Variants in CD99 observed in about 807,000 individuals in gnomAD.
The protein encoded by CD99 is CD99 molecule (Xg blood group).
Under a neutral mutation model 28.4 loss-of-function variants are expected in CD99, and 19 were observed. That is an observed-to-expected ratio of 0.67 (90% CI 0.47 to 0.98). The LOEUF (loss-of-function observed/expected upper bound fraction) is 0.98. CD99 is among the 50% of genes least tolerant of loss of function. The pLI is 0.00. For missense variants in CD99, 283 were observed against 248.8 expected, an observed-to-expected ratio of 1.14 and a Z score of -0.92; for synonymous variants, 103 against 92.1, an observed-to-expected ratio of 1.12 and a Z score of -0.67.
chrX:2,714,907 C>G (rs1350941435), intron 2 of CD99: 1 of 156,074 alleles, frequency 6.4e-6, no homozygotes, highest in African/African-American at 2.4e-5. Flanking sequence ...CGAGGAAAAG[C>G]AAGATGCCCT....
At chrX:2,721,153 T>C (rs1321525423) in intron 5 of CD99, among the ~76,000 whole-genome samples, 1 of 152,102 alleles carries the variant, frequency 6.6e-6, no homozygotes, top group Non-Finnish European at 1.5e-5. Context: ...TTTTTTTAGC[T>C]GAATGGTTGT....
intron 1 of CD99, among the ~76,000 whole-genome samples, chrX:2,698,892 C>T (rs972132164): frequency 1.3e-5 from 2 of 151,780 alleles, no homozygotes; most frequent in Non-Finnish European, 2.9e-5. Flanking sequence ...CCAGGGTTAC[C>T]TGGGTAGTCT....
At chrX:2,698,752 C>G (rs1351438776) in intron 1 of CD99, among the ~76,000 whole-genome samples, 1 of 152,174 alleles carries the variant, frequency 6.6e-6, no homozygotes, top group Non-Finnish European at 1.5e-5. Flanking sequence ...ATCCCTCCTG[C>G]ATTCCTGATT....
At chrX:2,692,864 G>A (rs112228416) in intron 1 of CD99, among the ~76,000 whole-genome samples, 2,079 of 152,264 alleles carry the variant, frequency 0.014, 60 homozygotes, top group African/African-American at 0.048. Flanking sequence ...ATATCCAAGG[G>A]AGTGCTGGTG....
chrX:2,715,159 C>G (rs2048629874), intron 2 of CD99: 2 of 152,264 alleles, frequency 1.3e-5, no homozygotes, highest in South Asian at 4.1e-4. Flanking sequence ...CACCCAGAGC[C>G]CTCGGTGAAG....
At chrX:2,713,969 G>T (rs749300531) in intron 1 of CD99, among the ~76,000 whole-genome samples, 2 of 152,188 alleles carry the variant, frequency 1.3e-5, no homozygotes, top group African/African-American at 4.8e-5. Context: ...GATTCCATGA[G>T]ATTTTTTTTT....
chrX:2,721,119 G>A (rs28626084), intron 5 of CD99, among the ~76,000 whole-genome samples: 3,332 of 151,360 alleles, frequency 0.022, 125 homozygotes, highest in African/African-American at 0.076. Context: ...CATTTTCAGC[G>A]TAATTCGAAT....
chrX:2,740,942 G>C lies in CD99; in HGVS notation c.*138G>C, dbSNP rs2050163019. ...GGCGGATTCTTTGTTTTAATCTTGCGATGTGCTTTGCTTGTTGCTGGGCGG... is the reference window on the plus strand; with the variant it reads ...GGCGGATTCTTTGTTTTAATCTTGCCATGTGCTTTGCTTGTTGCTGGGCGG... On this transcript the variant is annotated 3_prime_UTR_variant, in exon 10 of 10. Transcript: ENST00000381192. 8.3e-6 allele frequency: 8 copies of C among 960,436 alleles called. No homozygotes were observed. Among genetic ancestry groups the C allele is most frequent in the Non-Finnish European group, 1.3e-5 (8 of 593,150 alleles). 59.5% of individuals were successfully genotyped at this position (960,436 alleles called of 1,614,324 possible).
At chrX:2,717,379 C>A in intron 2 of CD99, 1 of 528,588 alleles carries the variant, frequency 1.9e-6, no homozygotes, top group Non-Finnish European at 3.4e-6. Context: ...GGAGAAGGGG[C>A]TCCTGGTCTC....
intron 8 of CD99, among the ~76,000 whole-genome samples, chrX:2,737,121 C>T (rs1290467348): frequency 6.6e-6 from 1 of 152,034 alleles, no homozygotes; most frequent in Non-Finnish European, 1.5e-5. Context: ...AGAAAGTCCC[C>T]TTTCCCTAGG....
chrX:2,718,319 A>G (rs1409396899), intron 3 of CD99, among the ~76,000 whole-genome samples: 1 of 151,032 alleles, frequency 6.6e-6, no homozygotes, highest in Non-Finnish European at 1.5e-5. Context: ...TCATCTCTCA[A>G]CCTGTGGGCA....
chrX:2,700,353 C>G (rs1206741012), intron 1 of CD99, among the ~76,000 whole-genome samples: 3 of 152,144 alleles, frequency 2.0e-5, no homozygotes, highest in East Asian at 1.9e-4. Flanking sequence ...GTCCTTCCAT[C>G]CATTTATCCA....
At chrX:2,717,858 G>GT (rs1390328425) in intron 3 of CD99, 1 of 566,200 alleles carries the variant, frequency 1.8e-6, no homozygotes, top group East Asian at 3.0e-5. Context: ...GATGTGAAAT[G>GT]TTTCGGGGCC....
chrX:2,714,639 C>A, intron 2 of CD99, 185 bp downstream of exon 2: 1 of 510,236 alleles, frequency 2.0e-6, no homozygotes, highest in South Asian at 4.3e-5. Context: ...ATTAAGTATG[C>A]AATAGCATTA....
chrX:2,723,182 C>T (rs1175045372), intron 6 of CD99, 132 bp from the exon 7 acceptor site: 1 of 910,312 alleles, frequency 1.1e-6, no homozygotes, highest in East Asian at 2.4e-5. Context: ...GGCAGGACCC[C>T]AGCTCTGTAG....
Position 2,720,437 on chromosome X carries a change from G to GA in CD99, c.262+14dup, listed in dbSNP as rs756306071. 11 of 1,610,696 alleles carry GA rather than the reference G, an allele frequency of 6.8e-6. No homozygotes were observed. Among genetic ancestry groups the GA allele is most frequent in the Non-Finnish European group, 8.5e-6 (10 of 1,177,004 alleles). Reference sequence around the variant, plus strand: ...CCTAGTTCCTCCGGTAAGAGTCTCTGACCCTGTGGGATGTCTTCATGTTGT... The same window carrying GA: ...CCTAGTTCCTCCGGTAAGAGTCTCTGAACCCTGTGGGATGTCTTCATGTTGT... On this transcript the variant is annotated intron_variant, in intron 5 of 9. Coordinates refer to ENST00000381192, the MANE Select transcript of CD99 (RefSeq NM_002414.5).
intron 1 of CD99, among the ~76,000 whole-genome samples, chrX:2,707,238 G>A (rs1470275948): frequency 1.3e-5 from 2 of 152,000 alleles, no homozygotes. Context: ...GCTGAGGAAG[G>A]AGAATCACTT....
intron 1 of CD99, among the ~76,000 whole-genome samples, chrX:2,707,723 G>C (rs1191775288): frequency 6.6e-6 from 1 of 152,220 alleles, no homozygotes; most frequent in Non-Finnish European, 1.5e-5. Flanking sequence ...AATTTGCAGA[G>C]AGGCTGAATG....
chrX:2,717,891 C>T (rs2048806241), intron 3 of CD99: 4 of 520,170 alleles, frequency 7.7e-6, no homozygotes, highest in Non-Finnish European at 1.0e-5. Flanking sequence ...TCTCTGTGTG[C>T]TTTTATTCTA....
Sources: gnomAD v4.1 joint callset for allele counts (sites outside exome capture counted in the v4.1 genomes callset) on GRCh38, gnomAD v4.1.1 for gene constraint, MANE v1.5 for transcripts, NCBI Gene and HGNC (gene_info 2026-07-23, HGNC 2026-07-21) for gene names.